LEMD2: variants seen among roughly 807,000 people sequenced by gnomAD.
LEMD2 encodes LEM domain nuclear envelope protein 2.
In LEMD2, 34 loss-of-function variants were observed where a neutral mutation model predicts 58.8. The ratio of observed to expected loss-of-function variants is 0.58; its 90% CI spans 0.44 to 0.77. The LOEUF (loss-of-function observed/expected upper bound fraction) is 0.77, where lower values mean the gene tolerates loss of function less well. Among genes scored for constraint, LEMD2 ranks in the 30% least tolerant of loss-of-function variants. The probability of loss-of-function intolerance (pLI) is 0.00; values close to 1 mark genes in which losing one functional copy is unlikely to be tolerated. For synonymous variants in LEMD2, 298 were observed against 308.9 expected (o/e 0.96, Z 0.37); for missense variants, 629 against 717.9 (o/e 0.88, Z 1.42).
chr6:33,779,968 C>T (rs1191227686), intron 5 of LEMD2, 132 bp downstream of exon 5: 1 of 732,856 alleles, frequency 1.4e-6, no homozygotes, highest in Admixed American at 2.3e-5. Context: ...TCCTAACCCA[C>T]ATGATTCTGC....
rs1307837499 is a variant in LEMD2 at position 33,788,367 on chromosome 6, G to A, written c.736+14C>T. On this transcript the variant is annotated intron_variant, in intron 1 of 8. Transcript: ENST00000293760. ...CGCGCCCAGGGCCCTCCCCTGCGCC[G>A]GCCCAGGACGTACTGTTGTCCTCCG... The A allele has an allele frequency of 3.2e-6, 5 of 1,549,086 alleles. No homozygotes were observed. The East Asian group carries it at 9.8e-5, about 30-fold the overall frequency.
rs779154393 is a variant in LEMD2 at position 33,784,334 on chromosome 6, C to T, written c.853+18G>A. The T allele has an allele frequency of 3.2e-5, 52 of 1,602,892 alleles. 1 individual carries two copies. The highest frequency in any genetic ancestry group is 4.4e-5 in the Non-Finnish European group (52 of 1,169,980). On this transcript the variant is annotated intron_variant, in intron 3 of 8. Coordinates refer to ENST00000293760, the MANE Select transcript of LEMD2 (RefSeq NM_181336.4). ...AGCTCTCACAAGAGGAATCTCAGGA[C>T]TTACGTGACTTACTCACCAGCTTGG... is the stretch of plus-strand genomic sequence containing the variant.
At chr6:33,787,967 A>C (rs1207330260) in intron 1 of LEMD2, among the ~76,000 whole-genome samples, 2 of 152,254 alleles carry the variant, frequency 1.3e-5, no homozygotes, top group African/African-American at 4.8e-5. Flanking sequence ...TCTGTGGGCC[A>C]CTGAAATCTG....
chr6:33,788,366 C>T lies in LEMD2; in HGVS notation c.736+15G>A, dbSNP rs755410487. 1.3e-6 allele frequency: 2 copies of T among 1,546,590 alleles called. No individual in the cohort carries two copies. Among genetic ancestry groups the T allele is most frequent in the Non-Finnish European group, 1.7e-6 (2 of 1,146,832 alleles). On this transcript the variant is annotated intron_variant, in intron 1 of 8. Coordinates refer to ENST00000293760, the MANE Select transcript of LEMD2 (RefSeq NM_181336.4). ...GCGCGCCCAGGGCCCTCCCCTGCGC[C>T]GGCCCAGGACGTACTGTTGTCCTCC...
At chr6:33,775,349 GCT>G (rs1767404604) in intron 8 of LEMD2, among the ~76,000 whole-genome samples, 1 of 152,132 alleles carries the variant, frequency 6.6e-6, no homozygotes, top group South Asian at 2.1e-4. Flanking sequence ...ATAGGGTCTT[GCT>G]CTGTTGTCCA....
At position 33,777,103 on chromosome 6, in the gene LEMD2, G is replaced by A. The variant is rs113782257; in HGVS notation, c.1258+35C>T. 11,912 of 1,610,162 alleles carry A rather than the reference G, an allele frequency of 7.4e-3. 703 individuals are homozygous for A. The African/African-American group carries it at 0.13, about 17-fold the overall frequency. The stretch of plus-strand genomic sequence containing the variant: ...TTAGGGCAAGGACCCTCTGGCTGGC[G>A]TCGGCAACCCTTTATTCACCAGGGG... On this transcript the variant is annotated intron_variant, in intron 7 of 8. Transcript: ENST00000293760.
At chr6:33,777,681 ATC>A (rs1767467436) in intron 6 of LEMD2, among the ~76,000 whole-genome samples, 1 of 152,126 alleles carries the variant, frequency 6.6e-6, no homozygotes, top group Non-Finnish European at 1.5e-5. Flanking sequence ...AGCTCCAACT[ATC>A]TCTGGAAAGC....
At position 33,772,675 on chromosome 6, in the gene LEMD2, C is replaced by G; in HGVS notation, c.1465G>C (p.Val489Leu). Residue 489 changes from valine (V) to leucine (L), a missense_variant, in exon 9 of 9, where the codon GTG (valine) becomes CTG (leucine). Physicochemically the swap from Val to Leu is conservative, Grantham distance 32 (BLOSUM62 1). Around this residue, in one of 2 missense-constraint regions of LEMD2, gnomAD observed 243 missense variants for 336.8 expected, o/e 0.72. Transcript: ENST00000293760. ...GAAGAGGGCTTAGTCCATCTCCACA[C>G]CAGCATGTCCTCTCCTGCAACGCGG... ...SHRVAGEDML[V>L]WRWTKPSSFS... 1 of 1,614,104 alleles carries G rather than the reference C, an allele frequency of 6.2e-7. No homozygotes were observed. Among genetic ancestry groups the G allele is most frequent in the Non-Finnish European group, 8.5e-7 (1 of 1,180,024 alleles).
At chr6:33,784,477 G>GGGGGGGGGGGGGGCCCCCCC in intron 2 of LEMD2, 50 bp from the exon 3 acceptor site, 2 of 430,796 alleles carry the variant, frequency 4.6e-6, no homozygotes, top group East Asian at 7.6e-5. Context: ...GGTGGGAGGG[G>GGGGGGGGGGGGGGCCCCCCC]TCCGTCTGTC....
chr6:33,777,006 G>A lies in LEMD2; in HGVS notation c.1309C>T (p.Pro437Ser). 9 of 1,614,174 alleles carry A rather than the reference G, an allele frequency of 5.6e-6. No homozygotes were observed. Among genetic ancestry groups the A allele is most frequent in the Non-Finnish European group, 7.6e-6 (9 of 1,180,042 alleles). Residue 437 changes from proline (P) to serine (S), a missense_variant, in exon 8 of 9, where the codon CCA becomes TCA. Transcript: ENST00000293760. ...VDWEQDMERY[P>S]YVGILHVRDS... The stretch of plus-strand genomic sequence containing the variant: ...CGCACGTGCAGGATGCCTACATATG[G>A]ATAGCGCTCCATGTCCTGCTCCCAG...
intron 4 of LEMD2, 67 bp from the exon 5 acceptor site, chr6:33,780,246 G>C: frequency 7.3e-7 from 1 of 1,366,408 alleles, no homozygotes. Context: ...TTATTCTGCT[G>C]CTGGATTAAG....
rs1767326042 is a variant in LEMD2 at position 33,772,596 on chromosome 6, AGGCTGACCGGGAACAAGTCCCC to A, written c.*10_*31del. 1 of 1,600,478 alleles carries A rather than the reference AGGCTGACCGGGAACAAGTCCCC, an allele frequency of 6.2e-7. No homozygotes were observed. On this transcript the variant is annotated 3_prime_UTR_variant, in exon 9 of 9. Transcript: ENST00000293760. ...CCTCTGGAGTGGGCTGTCCTGGGAC[AGGCTGACCGGGAACAAGTCCCC>A]GCCCGGGGCTTATCGCTCTGAGTCA... is the stretch of plus-strand genomic sequence containing the variant.
intron 8 of LEMD2, 129 bp from the exon 9 acceptor site, chr6:33,772,907 G>T: frequency 1.2e-6 from 1 of 806,622 alleles, no homozygotes; most frequent in Non-Finnish European, 1.9e-6. Flanking sequence ...AAAGCTGGCA[G>T]GTACTAACAT....
chr6:33,776,026 C>A (rs546150036), intron 8 of LEMD2, among the ~76,000 whole-genome samples: 11 of 152,208 alleles, frequency 7.2e-5, no homozygotes, highest in Non-Finnish European at 8.8e-5. Flanking sequence ...TGCCCTCCCC[C>A]ACCCTGGTTC....
rs1290884754 is a variant in LEMD2 at position 33,789,057 on chromosome 6, T to C, written c.60A>G (p.Pro20=). The C allele has an allele frequency of 3.2e-6, 5 of 1,553,554 alleles. No individual in the cohort carries two copies. Among genetic ancestry groups the C allele is most frequent in the Non-Finnish European group, 4.3e-6 (5 of 1,157,972 alleles). ...CCCGGGTGGTGTCGGTGATGGGTCC[T>C]GGCTGGAAGCCCAGGGCCTGCAGCT... ...RRELQALGFQ[P]GPITDTTRDV... The change falls in exon 1 of 9, where the codon CCA becomes CCG. Residue 20 remains proline (P), a synonymous_variant. Transcript: ENST00000293760.
At chr6:33,774,005 T>C (rs1180519685) in intron 8 of LEMD2, among the ~76,000 whole-genome samples, 2 of 152,174 alleles carry the variant, frequency 1.3e-5, no homozygotes, top group Admixed American at 1.3e-4. Context: ...GCAGCAGCTC[T>C]GGGTATCTAT....
intron 8 of LEMD2, 57 bp from the exon 9 acceptor site, chr6:33,772,835 A>G: frequency 6.6e-7 from 1 of 1,505,044 alleles, no homozygotes; most frequent in Non-Finnish European, 9.1e-7. Flanking sequence ...CAGCCTGTGG[A>G]TGCCCCTCCT....
rs1767739392 is a variant in LEMD2 at position 33,788,532 on chromosome 6, C to A, written c.585G>T (p.Ala195=). The change falls in exon 1 of 9, where the codon GCG becomes GCT. Residue 195 remains alanine (A), a synonymous_variant. Coordinates refer to ENST00000293760, the MANE Select transcript of LEMD2 (RefSeq NM_181336.4). The part of the protein sequence containing the change: ...LRATRAGPAG[A]ARARPEVGRR... ...GCCCCACCTCAGGCCGGGCCCTCGC[C>A]GCGCCAGCAGGGCCCGCTCGAGTCG... is the stretch of plus-strand genomic sequence containing the variant. 5 of 1,507,506 alleles carry A rather than the reference C, an allele frequency of 3.3e-6. No individual in the cohort carries two copies. Among genetic ancestry groups the A allele is most frequent in the Non-Finnish European group, 4.4e-6 (5 of 1,128,408 alleles). 93.4% of individuals were successfully genotyped at this position (1,507,506 alleles called of 1,614,324 possible). A position where few individuals can be genotyped will look rare whatever the true frequency, so the allele number is the denominator to read the frequency against.
At chr6:33,786,931 G>C (rs1561928178) in intron 1 of LEMD2, 157 bp from the exon 2 acceptor site, 1 of 1,446,478 alleles carries the variant, frequency 6.9e-7, no homozygotes, top group African/African-American at 1.4e-5. Flanking sequence ...TTAAAATGCA[G>C]ACAGCAAAAT....
Sources: gnomAD v4.1 joint callset for allele counts (sites outside exome capture counted in the v4.1 genomes callset) on GRCh38, gnomAD v4.1.1 for gene constraint, gnomAD v4.1.1 regional missense constraint, MANE v1.5 for transcripts, NCBI Gene and HGNC (gene_info 2026-07-23, HGNC 2026-07-21) for gene names.